The following LASP1 variants were observed in gnomAD, a reference collection of about 807,000 sequenced individuals.
LASP1 encodes the protein LIM and SH3 protein 1, also known as LIM and SH3 domain protein 1.
In LASP1, 10 loss-of-function variants were observed where a neutral mutation model predicts 38.6. The ratio of observed to expected loss-of-function variants is 0.26; its 90% confidence interval spans 0.16 to 0.44. LASP1 has a LOEUF of 0.44. Ranked by LOEUF, LASP1 falls within the 20% of genes least tolerant of loss-of-function variation. The pLI is 1.00. For synonymous variants in LASP1, 132 were observed against 140.8 expected (o/e 0.94, Z 0.44); for missense variants, 243 against 375.7 (o/e 0.65, Z 2.92).
rs3220064 is a variant in LASP1, at chr17:38,875,056, C to CGTGTGTGT, written c.70-3004_70-2997dup. ...GGTCCTAGGACAGTGTGTAGCCCTTCGTGTGTGTGTGTGTGTGTGTGTGTG... is the reference window on the plus strand; with the variant it reads ...GGTCCTAGGACAGTGTGTAGCCCTTCGTGTGTGTGTGTGTGTGTGTGTGTGTGTGTGTG... On this transcript the variant is annotated intron_variant, in intron 1 of 6. Transcript: ENST00000318008. Among the ~76,000 whole-genome samples the CGTGTGTGT allele has an allele frequency of 2.0e-3, 279 of 140,466 alleles. 1 individual carries two copies. The highest frequency in any genetic ancestry group is 6.5e-3 in the African/African-American group (239 of 36,866). 92.2% of individuals were successfully genotyped at this position (140,466 alleles called of 152,430 possible).
rs913488016 is a variant in LASP1 at position 38,897,191 on chromosome 17, A to G, written c.250-1221A>G. The G allele has an allele frequency of 2.9e-5, 18 of 617,942 alleles. No homozygotes were observed. In the South Asian group the frequency reaches 4.3e-4, roughly 15 times the overall value. The allele number at this position is 617,942 out of a possible 1,614,324, so 38.3% of individuals were successfully genotyped here. ...GGATCAGAACAGAGAAGGAGAGGGA[A>G]CCACATGGATGAGTGACTGGGGGCT... On this transcript the variant is annotated intron_variant, in intron 3 of 6. Coordinates refer to ENST00000318008, the MANE Select transcript of LASP1 (RefSeq NM_006148.4).
chr17:38,874,933 AGGGGCTT>A lies in LASP1; in HGVS notation c.70-3150_70-3144del, dbSNP rs1345193614. 4.6e-5 allele frequency among the ~76,000 whole-genome samples: 7 copies of A among 152,046 alleles called. No individual in the cohort carries two copies. In the South Asian group the frequency reaches 1.5e-3, roughly 32 times the overall value. On this transcript the variant is annotated intron_variant, in intron 1 of 6. Coordinates refer to ENST00000318008, the MANE Select transcript of LASP1 (RefSeq NM_006148.4). ...CAGTACACCCCACCCTCCTTCTCCA[AGGGGCTT>A]GGCTCCGGGTGCAGGCCTGGCCATC...
At chr17:38,885,645 C>G (rs1205565302) in intron 2 of LASP1, among the ~76,000 whole-genome samples, 2 of 151,982 alleles carry the variant, frequency 1.3e-5, no homozygotes, top group Non-Finnish European at 2.9e-5. Context: ...AGCTGATCAC[C>G]TGTCCCTCAT....
intron 3 of LASP1, among the ~76,000 whole-genome samples, chr17:38,896,712 G>A (rs1914501848): frequency 1.3e-5 from 2 of 152,178 alleles, no homozygotes; most frequent in South Asian, 4.1e-4. Flanking sequence ...TGGAGTGACT[G>A]GCGTTATGGT....
At chr17:38,899,010 C>T (rs1323788829) in intron 4 of LASP1, 3 of 349,210 alleles carry the variant, frequency 8.6e-6, no homozygotes, top group African/African-American at 2.1e-5. Context: ...GCCAGCCCTG[C>T]ACCCCCTGGC....
intron 4 of LASP1, among the ~76,000 whole-genome samples, chr17:38,909,822 A>G (rs1050218484): frequency 6.6e-6 from 1 of 152,030 alleles, no homozygotes; most frequent in Non-Finnish European, 1.5e-5. Flanking sequence ...ATCTCAGCTC[A>G]CTGCAATCTC....
intron 3 of LASP1, among the ~76,000 whole-genome samples, chr17:38,894,704 T>C (rs1914437141): frequency 6.6e-6 from 1 of 151,800 alleles, no homozygotes; most frequent in African/African-American, 2.4e-5. Context: ...TTCCATCAGC[T>C]CTCCTCTCCA....
chr17:38,890,336 C>T (rs887596308), intron 2 of LASP1, 84 bp from the exon 3 acceptor site: 13 of 1,320,878 alleles, frequency 9.8e-6, no homozygotes, highest in Non-Finnish European at 1.4e-5. Flanking sequence ...GACGAAGTTC[C>T]CAGGAGGGCA....
chr17:38,891,915 C>T (rs1222712175), intron 3 of LASP1, among the ~76,000 whole-genome samples: 2 of 151,602 alleles, frequency 1.3e-5, no homozygotes, highest in Non-Finnish European at 2.9e-5. Flanking sequence ...GGCAACATAG[C>T]AATACCTGGT....
At chr17:38,910,124 A>G (rs1314119213) in intron 4 of LASP1, among the ~76,000 whole-genome samples, 1 of 152,256 alleles carries the variant, frequency 6.6e-6, no homozygotes, top group Non-Finnish European at 1.5e-5. Context: ...GATAACTTCC[A>G]TGTAACTTAT....
At chr17:38,878,781 T>TG (rs553163059) in intron 2 of LASP1, among the ~76,000 whole-genome samples, 80 of 152,290 alleles carry the variant, frequency 5.3e-4, no homozygotes, top group Middle Eastern at 6.8e-3. Flanking sequence ...GGGTGTTGCC[T>TG]GGGCCAGATA....
rs746406885 is a variant in LASP1 at position 38,918,326 on chromosome 17, C to CA, written c.613-279_613-278insA. Among the ~76,000 whole-genome samples, 1 of 152,160 alleles carries CA rather than the reference C, an allele frequency of 6.6e-6. No individual in the cohort carries two copies. The highest frequency in any genetic ancestry group is 1.5e-5 in the Non-Finnish European group (1 of 68,032). On this transcript the variant is annotated intron_variant, in intron 6 of 6. Transcript: ENST00000318008. The surrounding 1 kb of genome is among the most constrained non-coding windows in gnomAD (Gnocchi z 4.4). ...TACTCTGTCATCATGGCTGGTGGAC[C>CA]TTACTGCAGTCCTGTTCAGGGAGGT...
chr17:38,897,087 T>G (rs1014358051), intron 3 of LASP1: 2 of 985,466 alleles, frequency 2.0e-6, no homozygotes, highest in Admixed American at 6.2e-5. Context: ...TTCTGGACTC[T>G]TGGGGTGGGT....
At chr17:38,894,424 C>T (rs1322519319) in intron 3 of LASP1, among the ~76,000 whole-genome samples, 2 of 152,150 alleles carry the variant, frequency 1.3e-5, no homozygotes, top group Admixed American at 1.3e-4. Context: ...GATTGAATCT[C>T]GCATCTGCTG....
chr17:38,904,584 C>T (rs4794795), intron 4 of LASP1: 58,587 of 149,256 alleles, frequency 0.39, 12,083 homozygotes, highest in Middle Eastern at 0.52. Flanking sequence ...CAGAGCAAGA[C>T]TCCGTCTCAA....
intron 2 of LASP1, among the ~76,000 whole-genome samples, chr17:38,888,387 C>T (rs1414309021): frequency 6.6e-6 from 1 of 152,042 alleles, no homozygotes; most frequent in Non-Finnish European, 1.5e-5. Context: ...AAGTGATTCT[C>T]CTGCCTCAGC....
chr17:38,914,676 AG>A (rs1915058166), intron 5 of LASP1, among the ~76,000 whole-genome samples: 1 of 77,494 alleles, frequency 1.3e-5, no homozygotes, highest in Non-Finnish European at 2.5e-5. Flanking sequence ...GGCGAGAGAC[AG>A]ACACACACAC....
intron 3 of LASP1, among the ~76,000 whole-genome samples, chr17:38,892,575 C>T (rs1914363509): frequency 6.6e-6 from 1 of 151,778 alleles, no homozygotes; most frequent in Non-Finnish European, 1.5e-5. Context: ...CACACACACA[C>T]ACACACACAC....
At chr17:38,897,187 G>A (rs1914513107) in intron 3 of LASP1, 2 of 663,400 alleles carry the variant, frequency 3.0e-6, no homozygotes, top group African/African-American at 3.9e-5. Context: ...GAGAAGGAGA[G>A]GGAACCACAT....
Sources: gnomAD v4.1 joint callset for allele counts (sites outside exome capture counted in the v4.1 genomes callset) on GRCh38, gnomAD v4.1.1 for gene constraint, Gnocchi (gnomAD v3.1) non-coding constraint, MANE v1.5 for transcripts, NCBI Gene and HGNC (gene_info 2026-07-23, HGNC 2026-07-21) for gene names.